CCDC178: variants seen among roughly 807,000 people sequenced by gnomAD.
CCDC178 encodes coiled-coil domain containing 178.
Under a neutral mutation model 117.4 loss-of-function variants are expected in CCDC178, and 126 were observed. The ratio of observed to expected loss-of-function variants is 1.07; its 90% CI spans 0.93 to 1.24. The LOEUF (loss-of-function observed/expected upper bound fraction) is 1.24. Ranked by LOEUF, CCDC178 falls within the 50% of genes most tolerant of loss-of-function variation. The pLI is 0.00. For missense variants in CCDC178, 1,030 were observed against 986.9 expected (o/e 1.04, Z -0.59); for synonymous variants, 283 against 313.4 (o/e 0.90, Z 1.02).
chr18:32,988,303 G>A (rs981968819), intron 21 of CCDC178, among the ~76,000 whole-genome samples: 3 of 151,456 alleles, frequency 2.0e-5, no homozygotes, highest in Non-Finnish European at 4.4e-5. Context: ...GGGCGTGGTC[G>A]CGTATGCCTG....
At chr18:33,048,352 C>T (rs2056683624) in intron 21 of CCDC178, among the ~76,000 whole-genome samples, 1 of 152,178 alleles carries the variant, frequency 6.6e-6, no homozygotes, top group Non-Finnish European at 1.5e-5. Flanking sequence ...AACATTCTAA[C>T]TCAGTTTCCT....
In CCDC178 at chr18:33,396,389, G is replaced by C. The variant is rs1291258253; in HGVS notation, c.118+760C>G. On this transcript the variant is annotated intron_variant, in intron 4 of 22. Transcript: ENST00000383096. ...TGTAATTACTTTGGAAAATAATTTGGCATTATCAAATAATGTCAACGATAG... is the reference window on the plus strand; with the variant it reads ...TGTAATTACTTTGGAAAATAATTTGCCATTATCAAATAATGTCAACGATAG... 2.0e-5 allele frequency among the ~76,000 whole-genome samples: 3 copies of C among 152,008 alleles called. No individual in the cohort carries two copies. In the East Asian group the frequency reaches 5.8e-4, roughly 29 times the overall value.
intron 21 of CCDC178, among the ~76,000 whole-genome samples, chr18:33,050,417 T>G (rs9961278): frequency 5.1e-4 from 77 of 152,282 alleles, no homozygotes; most frequent in African/African-American, 1.8e-3. Flanking sequence ...TTTAAAAATA[T>G]CACTGATAGC....
At chr18:33,115,639 T>A (rs555772605) in intron 20 of CCDC178, among the ~76,000 whole-genome samples, 1 of 152,012 alleles carries the variant, frequency 6.6e-6, no homozygotes, top group Admixed American at 6.6e-5. Context: ...TATGTCTAAA[T>A]CATACATTTG....
intron 20 of CCDC178, among the ~76,000 whole-genome samples, chr18:33,134,528 T>C (rs969653336): frequency 6.6e-6 from 1 of 152,204 alleles, no homozygotes; most frequent in African/African-American, 2.4e-5. Context: ...GCTACTGAAA[T>C]ATGTAATTTA....
At chr18:33,356,408 T>C in intron 6 of CCDC178, 62 bp from the exon 7 acceptor site, 1 of 1,371,094 alleles carries the variant, frequency 7.3e-7, no homozygotes, top group Non-Finnish European at 9.8e-7. Flanking sequence ...ACTGAATAAA[T>C]GTCACTTAAA....
Position 33,281,786 on chromosome 18 carries a change from T to C in CCDC178, c.1176+11373A>G, listed in dbSNP as rs2060028950. ...CTTGTACTACTGTATAATTCAACTT[T>C]CATTATTTGTTATCACAATACCATT... On this transcript the variant is annotated intron_variant, in intron 12 of 22. Coordinates refer to ENST00000383096, the MANE Select transcript of CCDC178 (RefSeq NM_001105528.4). Among the ~76,000 whole-genome samples the C allele has an allele frequency of 2.6e-5, 4 of 152,222 alleles. No individual in the cohort carries two copies. In the South Asian group the frequency reaches 8.3e-4, roughly 32 times the overall value.
chr18:33,241,817 TTAAAA>T (rs2059491243), intron 15 of CCDC178, among the ~76,000 whole-genome samples: 2 of 151,682 alleles, frequency 1.3e-5, no homozygotes, highest in Non-Finnish European at 3.0e-5. Context: ...ATTAATATTG[TTAAAA>T]TAGTATGTTA....
At chr18:33,265,956 A>G (rs1034081620) in intron 14 of CCDC178, among the ~76,000 whole-genome samples, 2 of 152,012 alleles carry the variant, frequency 1.3e-5, no homozygotes, top group African/African-American at 4.8e-5. Context: ...TTGATCCATT[A>G]AATATGAGAG....
intron 22 of CCDC178, among the ~76,000 whole-genome samples, chr18:32,942,402 C>T (rs1306384475): frequency 6.6e-6 from 1 of 152,054 alleles, no homozygotes; most frequent in African/African-American, 2.4e-5. Flanking sequence ...TCTTCTTTTA[C>T]AGTTGATTTA....
chr18:33,030,369 T>C (rs144710321), intron 21 of CCDC178, among the ~76,000 whole-genome samples: 2,000 of 152,172 alleles, frequency 0.013, 22 homozygotes, highest in Non-Finnish European at 0.019. Flanking sequence ...TTATCTCTTA[T>C]ACGTAGGAGT....
chr18:33,412,968 T>C (rs1017180375), intron 2 of CCDC178, among the ~76,000 whole-genome samples: 3 of 152,146 alleles, frequency 2.0e-5, no homozygotes, highest in African/African-American at 7.2e-5. Context: ...GTTTTCCACA[T>C]CGCTAACAAC....
chr18:32,962,009 A>G (rs200175660), intron 22 of CCDC178, among the ~76,000 whole-genome samples: 1 of 96,252 alleles, frequency 1.0e-5, no homozygotes, highest in African/African-American at 3.7e-5. Flanking sequence ...CTTTTTTTTT[A>G]GGGTTAATCA....
At chr18:33,074,845 A>G (rs1037939688) in intron 21 of CCDC178, among the ~76,000 whole-genome samples, 2 of 152,226 alleles carry the variant, frequency 1.3e-5, no homozygotes, top group Admixed American at 1.3e-4. Flanking sequence ...CTCATTCCAA[A>G]ATTTGTAACA....
At chr18:33,422,079 TTATTCTTC>T (rs2064034027) in intron 2 of CCDC178, among the ~76,000 whole-genome samples, 1 of 152,236 alleles carries the variant, frequency 6.6e-6, no homozygotes, top group Non-Finnish European at 1.5e-5. Context: ...TACTGGTTTC[TTATTCTTC>T]TATTTGTGCT....
At chr18:33,215,408 T>A (rs2059152583) in intron 19 of CCDC178, 142 bp downstream of exon 19, 1 of 507,564 alleles carries the variant, frequency 2.0e-6, no homozygotes, top group Non-Finnish European at 3.1e-6. Flanking sequence ...ACTAAAATTA[T>A]CAAATAACAC....
At chr18:33,181,793 C>A (rs1381378566) in intron 20 of CCDC178, among the ~76,000 whole-genome samples, 1 of 151,808 alleles carries the variant, frequency 6.6e-6, no homozygotes, top group African/African-American at 2.4e-5. Flanking sequence ...TTGCTGCCAA[C>A]TACATAAACT....
intron 22 of CCDC178, among the ~76,000 whole-genome samples, chr18:32,951,684 A>G (rs997360361): frequency 6.6e-6 from 1 of 152,196 alleles, no homozygotes; most frequent in African/African-American, 2.4e-5. Flanking sequence ...TCAAAACACA[A>G]TAATGCCTTT....
chr18:33,346,839 C>A (rs2062901391), intron 8 of CCDC178, among the ~76,000 whole-genome samples: 1 of 152,124 alleles, frequency 6.6e-6, no homozygotes, highest in Non-Finnish European at 1.5e-5. Context: ...AAGACATATT[C>A]TTCAATCTCA....
Sources: allele counts gnomAD v4.1 joint callset (sites outside exome capture counted in the v4.1 genomes callset), GRCh38; gene constraint gnomAD v4.1.1; transcripts MANE v1.5; gene names NCBI Gene and HGNC (gene_info 2026-07-23, HGNC 2026-07-21).